Variants in GNA14 observed in about 807,000 individuals in gnomAD.
GNA14 encodes G protein subunit alpha 14.
Under a neutral mutation model 42.0 loss-of-function variants are expected in GNA14, and 50 were observed. The observed-to-expected ratio is 1.19, with a 90% CI of 0.95 to 1.51. The LOEUF (loss-of-function observed/expected upper bound fraction) is 1.51, where lower values mean the gene tolerates loss of function less well. Among genes scored for constraint, GNA14 ranks in the 40% most tolerant of loss-of-function variants. GNA14 has a pLI of 0.00. For synonymous variants in GNA14, 173 were observed against 163.1 expected, an observed-to-expected ratio of 1.06 and a Z score of -0.46; for missense variants, 473 against 446.2, an observed-to-expected ratio of 1.06 and a Z score of -0.54.
chr9:77,472,308 C>CA (rs1836345983), intron 2 of GNA14, among the ~76,000 whole-genome samples: 2 of 152,108 alleles, frequency 1.3e-5, no homozygotes, highest in African/African-American at 2.4e-5. Flanking sequence ...CTATCACTTT[C>CA]AAAAAACTCC....
chr9:77,622,785 TTGGGAGGCTGAGGCAGGAGAATGG>T, intron 1 of GNA14, among the ~76,000 whole-genome samples: 1 of 148,440 alleles, frequency 6.7e-6, no homozygotes, highest in East Asian at 2.0e-4. Flanking sequence ...TCCCAAATGC[TTGGGAGGCTGAGGCAGGAGAATGG>T]TGTGAACCCA....
chr9:77,477,151 G>A (rs761908522), intron 2 of GNA14, among the ~76,000 whole-genome samples: 33 of 152,136 alleles, frequency 2.2e-4, no homozygotes, highest in Non-Finnish European at 3.8e-4. Context: ...GAGGCCAGGA[G>A]CTCGAGACGA....
chr9:77,636,844 T>C (rs1325496067), intron 1 of GNA14, among the ~76,000 whole-genome samples: 1 of 152,140 alleles, frequency 6.6e-6, no homozygotes, highest in Non-Finnish European at 1.5e-5. Context: ...GAGACAAACA[T>C]TCAAACCGCA....
At chr9:77,428,001 CAAAAG>C (rs1361751549) in intron 5 of GNA14, among the ~76,000 whole-genome samples, 2 of 151,378 alleles carry the variant, frequency 1.3e-5, no homozygotes, top group African/African-American at 4.9e-5. Flanking sequence ...GGTGGGCTCT[CAAAAG>C]AAGCCTCAAC....
At chr9:77,597,426 TA>T (rs1458076551) in intron 1 of GNA14, among the ~76,000 whole-genome samples, 1 of 152,112 alleles carries the variant, frequency 6.6e-6, no homozygotes, top group Non-Finnish European at 1.5e-5. Context: ...AGTATAACGT[TA>T]AAGACAAAAC....
intron 2 of GNA14, among the ~76,000 whole-genome samples, chr9:77,445,264 T>G (rs981477857): frequency 2.0e-5 from 3 of 152,172 alleles, no homozygotes; most frequent in African/African-American, 7.2e-5. Context: ...GCATTTCACA[T>G]AACAAGTCTT....
At chr9:77,482,162 T>C (rs1836566118) in intron 2 of GNA14, among the ~76,000 whole-genome samples, 1 of 152,248 alleles carries the variant, frequency 6.6e-6, no homozygotes, top group Non-Finnish European at 1.5e-5. Flanking sequence ...CTTTACATTT[T>C]GGCATGTTTT....
At chr9:77,564,685 T>C (rs1822938720) in intron 1 of GNA14, among the ~76,000 whole-genome samples, 1 of 151,896 alleles carries the variant, frequency 6.6e-6, no homozygotes, top group Non-Finnish European at 1.5e-5. Flanking sequence ...ATACAAATAT[T>C]AGCTGGGCAT....
At chr9:77,436,797 A>G (rs1835645290) in intron 2 of GNA14, among the ~76,000 whole-genome samples, 2 of 152,208 alleles carry the variant, frequency 1.3e-5, no homozygotes, top group South Asian at 4.1e-4. Flanking sequence ...TTCTATTGCA[A>G]ATAATAGGTG....
chr9:77,458,362 T>C (rs1173446534), intron 2 of GNA14, among the ~76,000 whole-genome samples: 4 of 152,324 alleles, frequency 2.6e-5, no homozygotes, highest in African/African-American at 9.6e-5. Flanking sequence ...GTGGATGTTC[T>C]GTCTGGGTAG....
chr9:77,426,822 GA>G (rs1835460565), intron 5 of GNA14, among the ~76,000 whole-genome samples: 1 of 152,114 alleles, frequency 6.6e-6, no homozygotes, highest in Admixed American at 6.5e-5. Flanking sequence ...TTTCTAAGAG[GA>G]AAGAAACAAG....
At chr9:77,466,681 T>A (rs73456176) in intron 2 of GNA14, among the ~76,000 whole-genome samples, 13,788 of 152,232 alleles carry the variant, frequency 0.091, 1,512 homozygotes, top group African/African-American at 0.26. Context: ...TTTGTTTGCA[T>A]GACTTAGAGC....
chr9:77,489,153 TCAA>T (rs1836712010), intron 2 of GNA14, among the ~76,000 whole-genome samples: 1 of 151,752 alleles, frequency 6.6e-6, no homozygotes, highest in Non-Finnish European at 1.5e-5. Flanking sequence ...TTAAAAGCTC[TCAA>T]CAACAGAATG....
chr9:77,437,859 G>C (rs1835664320), intron 2 of GNA14, among the ~76,000 whole-genome samples: 1 of 152,168 alleles, frequency 6.6e-6, no homozygotes, highest in Non-Finnish European at 1.5e-5. Context: ...CATCCACAAA[G>C]TTAAGTAAGC....
At chr9:77,605,202 C>A in intron 1 of GNA14, among the ~76,000 whole-genome samples, 1 of 152,236 alleles carries the variant, frequency 6.6e-6, no homozygotes, top group Non-Finnish European at 1.5e-5. Flanking sequence ...ATTGTCCACA[C>A]ATTTGTCAAA....
At chr9:77,456,036 AAAT>A (rs906962526) in intron 2 of GNA14, among the ~76,000 whole-genome samples, 17 of 152,308 alleles carry the variant, frequency 1.1e-4, no homozygotes, top group African/African-American at 3.6e-4. Context: ...AAATGAAATA[AAAT>A]AATAATAATA....
intron 2 of GNA14, among the ~76,000 whole-genome samples, chr9:77,468,426 T>G (rs1438610107): frequency 1.3e-5 from 2 of 152,224 alleles, no homozygotes; most frequent in African/African-American, 4.8e-5. Flanking sequence ...TAATCAGACA[T>G]ACACAGGTCG....
At chr9:77,446,449 G>T (rs1019110349) in intron 2 of GNA14, among the ~76,000 whole-genome samples, 41 of 152,198 alleles carry the variant, frequency 2.7e-4, no homozygotes, top group African/African-American at 8.9e-4. Context: ...TCCTGGGCTC[G>T]CGAGTCATGC....
chr9:77,600,269 T>C (rs1823536356), intron 1 of GNA14, among the ~76,000 whole-genome samples: 1 of 151,996 alleles, frequency 6.6e-6, no homozygotes, highest in Non-Finnish European at 1.5e-5. Flanking sequence ...GCACCAGTAA[T>C]TTTTTTCCCA....
Sources: allele counts gnomAD v4.1 joint callset (sites outside exome capture counted in the v4.1 genomes callset), GRCh38; gene constraint gnomAD v4.1.1; transcripts MANE v1.5; gene names NCBI Gene and HGNC (gene_info 2026-07-23, HGNC 2026-07-21).